Variants in ATRNL1 observed in about 807,000 individuals in gnomAD.
ATRNL1 encodes attractin-like protein 1.
In ATRNL1, 95 loss-of-function variants were observed where a neutral mutation model predicts 182.7. The ratio of observed to expected loss-of-function variants is 0.52; its 90% CI spans 0.44 to 0.62. ATRNL1 has a LOEUF of 0.62. Among genes scored for constraint, ATRNL1 ranks in the 20% least tolerant of loss-of-function variants. The pLI, the probability that ATRNL1 is intolerant of heterozygous loss-of-function variation, is 0.00. For missense variants in ATRNL1, 1,471 were observed against 1,679.5 expected (o/e 0.88, Z 2.17); for synonymous variants, 576 against 568.3 (o/e 1.01, Z -0.19).
At chr10:115,872,110 T>C (rs1006529748) in intron 28 of ATRNL1, among the ~76,000 whole-genome samples, 2 of 152,232 alleles carry the variant, frequency 1.3e-5, no homozygotes, top group Non-Finnish European at 2.9e-5. Context: ...TTATCATCTA[T>C]GGTTAAATCC....
At chr10:115,708,913 G>T (rs1307558100) in intron 26 of ATRNL1, among the ~76,000 whole-genome samples, 1 of 151,712 alleles carries the variant, frequency 6.6e-6, no homozygotes, top group Non-Finnish European at 1.5e-5. Flanking sequence ...AATATAATTT[G>T]CTTAGTTATC....
chr10:115,917,031 T>A (rs1415848844), intron 28 of ATRNL1, among the ~76,000 whole-genome samples: 2 of 152,316 alleles, frequency 1.3e-5, no homozygotes, highest in Admixed American at 1.3e-4. Context: ...TATACAGCCT[T>A]ACAGGTCGTA....
intron 18 of ATRNL1, among the ~76,000 whole-genome samples, chr10:115,331,705 G>T (rs1855232451): frequency 6.6e-6 from 1 of 151,984 alleles, no homozygotes; most frequent in African/African-American, 2.4e-5. Context: ...ATTTGTTTGT[G>T]ACTGCTCTGT....
At chr10:115,927,171 A>G (rs972335363) in intron 28 of ATRNL1, among the ~76,000 whole-genome samples, 1 of 152,158 alleles carries the variant, frequency 6.6e-6, no homozygotes, top group Non-Finnish European at 1.5e-5. Flanking sequence ...AAACCACATG[A>G]TTATCTCAAT....
chr10:115,570,333 C>T (rs551021491), intron 26 of ATRNL1, among the ~76,000 whole-genome samples: 1 of 152,282 alleles, frequency 6.6e-6, no homozygotes, highest in East Asian at 1.9e-4. Flanking sequence ...AACACCTCCC[C>T]AAAGACCCCA....
chr10:115,783,631 T>C (rs929139811), intron 27 of ATRNL1, among the ~76,000 whole-genome samples: 18 of 152,206 alleles, frequency 1.2e-4, no homozygotes, highest in African/African-American at 4.1e-4. Context: ...TCATTTAAGC[T>C]CATAGAATAG....
chr10:115,646,794 A>G lies in ATRNL1; in HGVS notation c.3796-80454A>G, dbSNP rs575965420. 1.2e-4 allele frequency among the ~76,000 whole-genome samples: 18 copies of G among 152,014 alleles called. No homozygotes were observed. The East Asian group carries it at 2.9e-3, about 25-fold the overall frequency. ...CTTTATTTTTCACTAAATAGCATGTATGAATTTTTTTTATTATACTTTAAG... is the reference window on the plus strand; with the variant it reads ...CTTTATTTTTCACTAAATAGCATGTGTGAATTTTTTTTATTATACTTTAAG... On this transcript the variant is annotated intron_variant, in intron 26 of 28. Transcript: ENST00000355044.
intron 27 of ATRNL1, among the ~76,000 whole-genome samples, chr10:115,829,374 G>A (rs888264438): frequency 3.9e-5 from 6 of 151,966 alleles, no homozygotes; most frequent in Non-Finnish European, 7.4e-5. Context: ...GATTTTAAGC[G>A]GGTAAGACAC....
chr10:115,794,421 C>T (rs1949602084), intron 27 of ATRNL1, among the ~76,000 whole-genome samples: 2 of 152,166 alleles, frequency 1.3e-5, no homozygotes, highest in South Asian at 2.1e-4. Context: ...ATTCAAGTTA[C>T]AGCAATTTTT....
chr10:115,527,368 A>C (rs2133729083), intron 25 of ATRNL1, among the ~76,000 whole-genome samples: 1 of 151,962 alleles, frequency 6.6e-6, no homozygotes, highest in East Asian at 2.0e-4. Flanking sequence ...TGATCCGCTC[A>C]CCTCGGCCTT....
chr10:115,463,963 T>C (rs79100757), intron 22 of ATRNL1, among the ~76,000 whole-genome samples: 2,868 of 152,182 alleles, frequency 0.019, 107 homozygotes, highest in African/African-American at 0.066. Flanking sequence ...TCCACAGTAT[T>C]GTCCATAGTG....
chr10:115,393,498 A>G (rs1313741024), intron 19 of ATRNL1, among the ~76,000 whole-genome samples: 3 of 152,252 alleles, frequency 2.0e-5, no homozygotes, highest in African/African-American at 7.2e-5. Context: ...AGACCATATC[A>G]TTTCATTTTT....
intron 21 of ATRNL1, 64 bp from the exon 22 acceptor site, chr10:115,461,877 A>G (rs921023449): frequency 9.6e-7 from 1 of 1,038,354 alleles, no homozygotes; most frequent in African/African-American, 1.6e-5. Context: ...TTGTAACCTA[A>G]ATTTTGCTTT....
At chr10:115,411,924 T>C (rs2134342264) in intron 20 of ATRNL1, among the ~76,000 whole-genome samples, 1 of 152,280 alleles carries the variant, frequency 6.6e-6, no homozygotes, top group African/African-American at 2.4e-5. Flanking sequence ...GGGCAGCTCC[T>C]ATATTGACCA....
chr10:115,152,089 C>A (rs1262860155), intron 5 of ATRNL1, among the ~76,000 whole-genome samples: 1 of 152,108 alleles, frequency 6.6e-6, no homozygotes, highest in Non-Finnish European at 1.5e-5. Flanking sequence ...GTTTTGGTAC[C>A]TGTACCATGC....
chr10:115,668,598 G>A (rs577515465), intron 26 of ATRNL1, among the ~76,000 whole-genome samples: 1 of 152,066 alleles, frequency 6.6e-6, no homozygotes, highest in African/African-American at 2.4e-5. Context: ...CCAGTGACCA[G>A]ACCTACAGTC....
At chr10:115,777,517 C>T (rs1007627651) in intron 27 of ATRNL1, among the ~76,000 whole-genome samples, 2 of 152,050 alleles carry the variant, frequency 1.3e-5, no homozygotes, top group Non-Finnish European at 2.9e-5. Context: ...AATCCTGTAG[C>T]ACTAAGAAAA....
intron 8 of ATRNL1, among the ~76,000 whole-genome samples, chr10:115,199,632 T>C (rs537624378): frequency 1.3e-5 from 2 of 152,256 alleles, no homozygotes; most frequent in South Asian, 4.1e-4. Flanking sequence ...AATATCTTGA[T>C]ATCTGTGTAG....
intron 27 of ATRNL1, among the ~76,000 whole-genome samples, chr10:115,799,975 C>T (rs1312987851): frequency 6.6e-6 from 1 of 152,042 alleles, no homozygotes; most frequent in Non-Finnish European, 1.5e-5. Context: ...AATCCCAGCA[C>T]TTTGGGAGGC....
Sources: allele counts gnomAD v4.1 joint callset (sites outside exome capture counted in the v4.1 genomes callset), GRCh38; gene constraint gnomAD v4.1.1; transcripts MANE v1.5; gene names NCBI Gene and HGNC (gene_info 2026-07-23, HGNC 2026-07-21).